Variants in DPYD observed in about 807,000 individuals in gnomAD.
The protein encoded by DPYD is dihydropyrimidine dehydrogenase [NADP(+)].
DPYD carries 109 observed loss-of-function variants against 116.2 expected under a neutral mutation model. The ratio of observed to expected loss-of-function variants is 0.94; its 90% CI spans 0.80 to 1.10. The LOEUF is 1.10. Among genes scored for constraint, DPYD ranks in the 50% least tolerant of loss-of-function variants. The pLI, the probability that DPYD is intolerant of heterozygous loss-of-function variation, is 0.00. For synonymous variants in DPYD, 440 were observed against 432.0 expected, an observed-to-expected ratio of 1.02 and a Z score of -0.23; for missense variants, 1,302 against 1,254.5, an observed-to-expected ratio of 1.04 and a Z score of -0.57.
At chr1:97,889,913 A>G (rs1672694229) in intron 1 of DPYD, among the ~76,000 whole-genome samples, 1 of 151,986 alleles carries the variant, frequency 6.6e-6, no homozygotes, top group Non-Finnish European at 1.5e-5. Flanking sequence ...CTCCCTCTTC[A>G]ATGGAATAGA....
intron 1 of DPYD, among the ~76,000 whole-genome samples, chr1:97,914,456 A>T (rs562843222): frequency 5.3e-5 from 8 of 152,332 alleles, no homozygotes; most frequent in Admixed American, 4.6e-4. Context: ...TTAATGTCAA[A>T]TGCCTTCTAC....
rs564151111 is a variant in DPYD at position 97,295,712 on chromosome 1, T to G, written c.2299+9547A>C. 9.3e-6 allele frequency: 9 copies of G among 964,974 alleles called. No individual in the cohort carries two copies. The South Asian group carries it at 2.9e-4, about 31-fold the overall frequency. 59.8% of individuals were successfully genotyped at this position (964,974 alleles called of 1,614,324 possible). A position where few individuals can be genotyped will look rare whatever the true frequency, so the allele number is the denominator to read the frequency against. On this transcript the variant is annotated intron_variant, in intron 18 of 22. Transcript: ENST00000370192. ...TCCCGAAGTGCTGGGATTCCATGTG[T>G]GAGCCATCGCTCTCAGCCTGATAAT...
intron 21 of DPYD, among the ~76,000 whole-genome samples, chr1:97,094,336 G>C (rs1281963015): frequency 1.3e-5 from 2 of 152,090 alleles, no homozygotes; most frequent in African/African-American, 4.8e-5. Context: ...GTTGGAGAAT[G>C]GATTAGATAA....
At chr1:97,313,430 A>T (rs937088478) in intron 16 of DPYD, among the ~76,000 whole-genome samples, 3 of 151,858 alleles carry the variant, frequency 2.0e-5, no homozygotes, top group African/African-American at 7.2e-5. Flanking sequence ...ACAAATGCAT[A>T]CAACAAACAC....
At chr1:97,348,156 A>G (rs1669953480) in intron 16 of DPYD, among the ~76,000 whole-genome samples, 1 of 152,172 alleles carries the variant, frequency 6.6e-6, no homozygotes, top group Non-Finnish European at 1.5e-5. Flanking sequence ...AGAAAAATTA[A>G]ATGCCCGATT....
intron 16 of DPYD, among the ~76,000 whole-genome samples, chr1:97,312,564 A>C (rs1423181516): frequency 6.6e-6 from 1 of 151,938 alleles, no homozygotes; most frequent in African/African-American, 2.4e-5. Context: ...ATGAAATACT[A>C]TGCAGCCATT....
chr1:97,584,944 T>TATA (rs375682343), intron 10 of DPYD, among the ~76,000 whole-genome samples: 16,465 of 145,786 alleles, frequency 0.11, 990 homozygotes, highest in Non-Finnish European at 0.13. Flanking sequence ...AAACTTAAAG[T>TATA]ATAATAATAA....
At chr1:97,333,257 C>T (rs1050541618) in intron 16 of DPYD, among the ~76,000 whole-genome samples, 3 of 151,684 alleles carry the variant, frequency 2.0e-5, no homozygotes, top group African/African-American at 7.3e-5. Context: ...TATTTCTGGG[C>T]CTAGATCTAC....
At chr1:97,906,866 T>C (rs1673652659) in intron 1 of DPYD, among the ~76,000 whole-genome samples, 1 of 152,138 alleles carries the variant, frequency 6.6e-6, no homozygotes, top group Non-Finnish European at 1.5e-5. Context: ...GTAAAGAATT[T>C]TCACATTTTC....
At chr1:97,302,357 T>C (rs1490831772) in intron 18 of DPYD, among the ~76,000 whole-genome samples, 3 of 152,034 alleles carry the variant, frequency 2.0e-5, no homozygotes, top group South Asian at 2.1e-4. Context: ...TCATCTGGTA[T>C]ATAATTCAAC....
intron 20 of DPYD, among the ~76,000 whole-genome samples, chr1:97,144,005 T>A (rs1654429753): frequency 6.6e-6 from 1 of 152,168 alleles, no homozygotes. Flanking sequence ...TTGCCATGAT[T>A]CTCTGGTCAT....
chr1:97,657,636 T>C (rs1659008220), intron 8 of DPYD, among the ~76,000 whole-genome samples: 1 of 152,202 alleles, frequency 6.6e-6, no homozygotes, highest in African/African-American at 2.4e-5. Flanking sequence ...ATCCATCTTC[T>C]TGTAGTCATA....
chr1:97,797,004 C>T (rs1291306123), intron 3 of DPYD: 7 of 152,088 alleles, frequency 4.6e-5, no homozygotes, highest in Admixed American at 4.6e-4. Flanking sequence ...AACTACATGG[C>T]TTACCAAAAG....
At chr1:97,592,957 A>G (rs1484716126) in intron 10 of DPYD, among the ~76,000 whole-genome samples, 1 of 152,206 alleles carries the variant, frequency 6.6e-6, no homozygotes, top group Admixed American at 6.5e-5. Context: ...AGTTACATAG[A>G]ATACATTTCA....
intron 18 of DPYD, among the ~76,000 whole-genome samples, chr1:97,251,412 A>T (rs749970296): frequency 0.07 from 9,676 of 137,322 alleles, 393 homozygotes; most frequent in Middle Eastern, 0.18. Context: ...AAAAAAAAAA[A>T]AGAAAGAAAA....
chr1:97,116,753 T>C (rs1258435885), intron 20 of DPYD, among the ~76,000 whole-genome samples: 1 of 151,976 alleles, frequency 6.6e-6, no homozygotes, highest in Admixed American at 6.6e-5. Flanking sequence ...TGGAAATGGG[T>C]AGTTTTTCTC....
intron 19 of DPYD, among the ~76,000 whole-genome samples, chr1:97,229,076 C>A (rs2100725600): frequency 6.6e-6 from 1 of 151,532 alleles, no homozygotes; most frequent in South Asian, 2.1e-4. Flanking sequence ...TGGTGGCGGG[C>A]ACCTGTGGTC....
At chr1:97,360,443 A>T (rs1018545687) in intron 16 of DPYD, among the ~76,000 whole-genome samples, 2 of 152,162 alleles carry the variant, frequency 1.3e-5, no homozygotes, top group African/African-American at 4.8e-5. Flanking sequence ...TCAGCTCTGC[A>T]CCAAGCAGAC....
At chr1:97,825,176 G>T (rs1445183476) in intron 3 of DPYD, among the ~76,000 whole-genome samples, 1 of 152,100 alleles carries the variant, frequency 6.6e-6, no homozygotes, top group Non-Finnish European at 1.5e-5. Context: ...TCAAGACTGG[G>T]ATCAGGAGGA....
Sources: allele counts gnomAD v4.1 joint callset (sites outside exome capture counted in the v4.1 genomes callset), GRCh38; gene constraint gnomAD v4.1.1; transcripts MANE v1.5; gene names NCBI Gene and HGNC (gene_info 2026-07-23, HGNC 2026-07-21).